The following RBFOX1 variants were observed in gnomAD, a reference collection of about 807,000 sequenced individuals.
The protein encoded by RBFOX1 is RNA binding fox-1 homolog 1.
RBFOX1 carries 8 observed loss-of-function variants against 57.7 expected under a neutral mutation model. The observed-to-expected ratio is 0.14, with a 90% CI of 0.08 to 0.25. RBFOX1 has a LOEUF of 0.25. Among genes scored for constraint, RBFOX1 ranks in the 10% least tolerant of loss-of-function variants. The pLI is 1.00. For missense variants in RBFOX1, 611 were observed against 548.5 expected, an observed-to-expected ratio of 1.11 and a Z score of -1.14; for synonymous variants, 326 against 222.4, an observed-to-expected ratio of 1.47 and a Z score of -4.15.
chr16:6,623,743 C>T (rs1412621518), intron 2 of RBFOX1, among the ~76,000 whole-genome samples: 1 of 152,082 alleles, frequency 6.6e-6, no homozygotes, highest in Non-Finnish European at 1.5e-5. Flanking sequence ...TGGTTTCCAG[C>T]TTCATCCATG....
At chr16:5,430,542 G>T (rs1206773730) in intron 1 of RBFOX1, among the ~76,000 whole-genome samples, 1 of 152,182 alleles carries the variant, frequency 6.6e-6, no homozygotes. Flanking sequence ...CTTGCGGCGA[G>T]CAAGGCGGTT....
chr16:6,992,837 C>CAAAAAA (rs3048923), intron 3 of RBFOX1, among the ~76,000 whole-genome samples: 3,507 of 118,294 alleles, frequency 0.03, 58 homozygotes, highest in Non-Finnish European at 0.044. Context: ...CTTCCTTTTC[C>CAAAAAA]AAAAAAAAAA....
At chr16:6,327,558 A>G (rs1305628028) in intron 2 of RBFOX1, among the ~76,000 whole-genome samples, 1 of 152,150 alleles carries the variant, frequency 6.6e-6, no homozygotes, top group Admixed American at 6.6e-5. Context: ...TTTGCCCATA[A>G]TGAGGACTCA....
At chr16:6,795,177 C>T (rs941875545) in intron 3 of RBFOX1, among the ~76,000 whole-genome samples, 29 of 152,272 alleles carry the variant, frequency 1.9e-4, no homozygotes, top group Admixed American at 1.8e-3. Flanking sequence ...TTTCATAGTG[C>T]TAATTCCAAG....
In RBFOX1 at chr16:7,193,652, C is replaced by T. The variant is rs139339402; in HGVS notation, c.27+141554C>T. Among the ~76,000 whole-genome samples, 459 of 152,314 alleles carry T rather than the reference C, an allele frequency of 3.0e-3. 1 individual carries two copies. Among genetic ancestry groups the T allele is most frequent in the Admixed American group, 5.4e-3 (82 of 15,296 alleles). On this transcript the variant is annotated intron_variant, in intron 4 of 15. Transcript: ENST00000550418. ...TGCTTTATAACTGAGGATACTGCAA[C>T]AGTGTGATGTTAACTTGCTCGCTGT...
At chr16:5,829,041 C>T (rs1333182572) in intron 3 of RBFOX1, among the ~76,000 whole-genome samples, 2 of 152,112 alleles carry the variant, frequency 1.3e-5, no homozygotes, top group Admixed American at 6.5e-5. Flanking sequence ...AAGGAAGGAT[C>T]TGCTTTCAAG....
intron 10 of RBFOX1, among the ~76,000 whole-genome samples, chr16:7,620,261 T>G (rs921241719): frequency 2.0e-5 from 3 of 152,208 alleles, no homozygotes; most frequent in Non-Finnish European, 4.4e-5. Context: ...CACAGCAATA[T>G]TCGATCAAGT....
chr16:5,620,147 T>C lies in RBFOX1; in HGVS notation c.318+21186T>C, dbSNP rs74972602. 2.0e-3 allele frequency among the ~76,000 whole-genome samples: 311 copies of C among 152,244 alleles called. 10 individuals are homozygous for C. The East Asian group carries it at 0.055, about 27-fold the overall frequency. ...CAGGTGGCAATGTTTCTGAGTAGGC[T>C]GCTGGAACCCGAGGAGCTTTGCGTA... On this transcript the variant is annotated intron_variant, in intron 3 of 19. Coordinates refer to the RBFOX1 transcript ENST00000641259.
At chr16:5,702,146 T>G (rs936104672) in intron 3 of RBFOX1, among the ~76,000 whole-genome samples, 2 of 152,164 alleles carry the variant, frequency 1.3e-5, no homozygotes, top group African/African-American at 4.8e-5. Flanking sequence ...TACCTGAGAC[T>G]GGGTAATTTA....
chr16:7,238,435 T>A (rs1048005669), intron 4 of RBFOX1, among the ~76,000 whole-genome samples: 2 of 152,220 alleles, frequency 1.3e-5, no homozygotes, highest in African/African-American at 4.8e-5. Context: ...ATTCTGCTTT[T>A]TGCTTCCACA....
At chr16:6,438,935 T>C (rs555372802) in intron 2 of RBFOX1, among the ~76,000 whole-genome samples, 1 of 152,322 alleles carries the variant, frequency 6.6e-6, no homozygotes, top group South Asian at 2.1e-4. Flanking sequence ...GGACAGTTGA[T>C]GATTTAGTGT....
At chr16:5,430,612 C>A (rs2067701959) in intron 1 of RBFOX1, among the ~76,000 whole-genome samples, 2 of 152,138 alleles carry the variant, frequency 1.3e-5, no homozygotes, top group African/African-American at 4.8e-5. Flanking sequence ...TGCAGAGTAT[C>A]AGTTAGGTTG....
intron 3 of RBFOX1, among the ~76,000 whole-genome samples, chr16:6,739,835 C>A (rs1046396334): frequency 6.6e-6 from 1 of 152,070 alleles, no homozygotes; most frequent in Non-Finnish European, 1.5e-5. Flanking sequence ...CAAGATTGCA[C>A]CACTTCACTC....
chr16:7,570,561 A>C (rs1253513628), intron 5 of RBFOX1, among the ~76,000 whole-genome samples: 1 of 152,232 alleles, frequency 6.6e-6, no homozygotes, highest in Non-Finnish European at 1.5e-5. Flanking sequence ...AGCTAGGCTC[A>C]GAAGGATGTA....
intron 2 of RBFOX1, among the ~76,000 whole-genome samples, chr16:6,583,117 G>A (rs1218425423): frequency 6.6e-6 from 1 of 152,078 alleles, no homozygotes; most frequent in East Asian, 1.9e-4. Context: ...TAGTATCAGA[G>A]CCAGCATTCT....
At chr16:5,806,961 G>A (rs1202990018) in intron 3 of RBFOX1, among the ~76,000 whole-genome samples, 2 of 152,140 alleles carry the variant, frequency 1.3e-5, no homozygotes, top group Non-Finnish European at 2.9e-5. Context: ...AGGAAGAGAA[G>A]GAATAGTTAG....
intron 1 of RBFOX1, among the ~76,000 whole-genome samples, chr16:6,307,843 G>GATTATT (rs1175465104): frequency 6.9e-6 from 1 of 145,024 alleles, no homozygotes; most frequent in Non-Finnish European, 1.5e-5. Flanking sequence ...TGTTTATTTG[G>GATTATT]ATTATTACTT....
intron 1 of RBFOX1, among the ~76,000 whole-genome samples, chr16:5,369,138 A>T (rs2065798402): frequency 6.6e-6 from 1 of 152,120 alleles, no homozygotes; most frequent in Non-Finnish European, 1.5e-5. Context: ...AGTAGCTAGG[A>T]TTACAAACAT....
At chr16:7,528,918 G>T (rs2063085) in intron 5 of RBFOX1, among the ~76,000 whole-genome samples, 23,552 of 152,140 alleles carry the variant, frequency 0.15, 2,338 homozygotes, top group East Asian at 0.35. Flanking sequence ...GTTCATCTAC[G>T]CTATCTTCTC....
Sources: allele counts gnomAD v4.1 joint callset (sites outside exome capture counted in the v4.1 genomes callset), GRCh38; gene constraint gnomAD v4.1.1; transcripts MANE v1.5; gene names NCBI Gene and HGNC (gene_info 2026-07-23, HGNC 2026-07-21).